ERP44: variants seen among roughly 807,000 people sequenced by gnomAD.
The protein encoded by ERP44 is endoplasmic reticulum protein 44, also known as endoplasmic reticulum resident protein 44.
Under a neutral mutation model 53.4 loss-of-function variants are expected in ERP44, and 25 were observed. The observed-to-expected ratio is 0.47, with a 90% CI of 0.34 to 0.65. The LOEUF (loss-of-function observed/expected upper bound fraction) is 0.65. Among genes scored for constraint, ERP44 ranks in the 30% least tolerant of loss-of-function variants. ERP44 has a pLI of 0.01. For synonymous variants in ERP44, 145 were observed against 161.2 expected (o/e 0.90, Z 0.76); for missense variants, 338 against 493.2 (o/e 0.69, Z 2.98).
rs202156757 is a variant in ERP44, at chr9:100,057,879, C to A, written c.131-20G>T. On this transcript the variant is annotated intron_variant, in intron 2 of 11. Transcript: ENST00000262455. ...CATTGTCTGAAATTGAAAGACAAAA[C>A]CAAATAAGATATTTGTAATAATTTT... The A allele has an allele frequency of 6.0e-4, 931 of 1,548,516 alleles. No individual in the cohort carries two copies. The highest frequency in any genetic ancestry group is 6.7e-4 in the Non-Finnish European group (758 of 1,126,416).
intron 1 of ERP44, among the ~76,000 whole-genome samples, chr9:100,083,697 C>T (rs1287833996): frequency 6.6e-6 from 1 of 152,196 alleles, no homozygotes; most frequent in Non-Finnish European, 1.5e-5. Context: ...TGTTTGACTA[C>T]CTTTTACACC....
chr9:99,997,746 T>C (rs1213604458), intron 10 of ERP44, among the ~76,000 whole-genome samples: 1 of 152,126 alleles, frequency 6.6e-6, no homozygotes, highest in Non-Finnish European at 1.5e-5. Context: ...GTTGAAGCTA[T>C]TGGGTTTTAT....
At chr9:100,035,904 T>A (rs1447303448) in intron 4 of ERP44, among the ~76,000 whole-genome samples, 1 of 152,058 alleles carries the variant, frequency 6.6e-6, no homozygotes, top group Non-Finnish European at 1.5e-5. Context: ...GAACAGATGA[T>A]GGCAAGGCTG....
At chr9:100,090,198 GC>G (rs1826536076) in intron 1 of ERP44, among the ~76,000 whole-genome samples, 2 of 152,278 alleles carry the variant, frequency 1.3e-5, no homozygotes, top group South Asian at 4.1e-4. Flanking sequence ...TTTATTCTCA[GC>G]CCTTTCAGAG....
intron 10 of ERP44, among the ~76,000 whole-genome samples, chr9:99,995,937 T>A (rs927823982): frequency 1.3e-5 from 2 of 150,450 alleles, no homozygotes; most frequent in Admixed American, 6.6e-5. Context: ...TTTTTTTTTT[T>A]TTTTATTTTG....
intron 9 of ERP44, 40 bp downstream of exon 9, chr9:100,007,538 G>C (rs761880029): frequency 3.5e-5 from 35 of 993,942 alleles, no homozygotes; most frequent in South Asian, 7.8e-5. Flanking sequence ...AAAGAAAAGA[G>C]AGAAAGAAAT....
chr9:99,996,150 G>T (rs1403062690), intron 10 of ERP44, among the ~76,000 whole-genome samples: 4 of 152,088 alleles, frequency 2.6e-5, no homozygotes, highest in Non-Finnish European at 5.9e-5. Flanking sequence ...GTGCTGGTAG[G>T]TGGTGCCTAA....
intron 11 of ERP44, among the ~76,000 whole-genome samples, chr9:99,983,911 TTCACTG>T (rs1162969753): frequency 6.6e-6 from 1 of 152,204 alleles, no homozygotes; most frequent in African/African-American, 2.4e-5. Flanking sequence ...CAAATGTAAG[TTCACTG>T]TCTAATGAGG....
chr9:100,068,444 T>C (rs1169572427), intron 1 of ERP44, among the ~76,000 whole-genome samples: 238 of 86,714 alleles, frequency 2.7e-3, no homozygotes, highest in Middle Eastern at 0.011. Context: ...AGGTGAGAGG[T>C]GCCTCTGCCC....
chr9:99,991,916 G>A (rs963386487), intron 10 of ERP44, among the ~76,000 whole-genome samples: 1 of 152,168 alleles, frequency 6.6e-6, no homozygotes, highest in African/African-American at 2.4e-5. Flanking sequence ...AGAAAATCTA[G>A]AAGAAATGGA....
intron 4 of ERP44, among the ~76,000 whole-genome samples, chr9:100,041,814 C>T (rs1292681370): frequency 6.6e-6 from 1 of 152,208 alleles, no homozygotes; most frequent in African/African-American, 2.4e-5. Flanking sequence ...AAAGGACAGT[C>T]TCTTCAATAA....
At chr9:100,008,671 T>C (rs1029236003) in intron 8 of ERP44, among the ~76,000 whole-genome samples, 4 of 152,232 alleles carry the variant, frequency 2.6e-5, no homozygotes, top group African/African-American at 7.2e-5. Context: ...TCTCCATATT[T>C]AAGCCTATTT....
At chr9:99,995,250 G>T (rs1465239049) in intron 10 of ERP44, among the ~76,000 whole-genome samples, 5 of 152,124 alleles carry the variant, frequency 3.3e-5, no homozygotes, top group African/African-American at 1.2e-4. Flanking sequence ...TTAATAATTT[G>T]TTGGTAATTT....
chr9:100,084,171 A>G (rs1391259731), intron 1 of ERP44, among the ~76,000 whole-genome samples: 1 of 152,232 alleles, frequency 6.6e-6, no homozygotes, highest in African/African-American at 2.4e-5. Context: ...AATACATCAC[A>G]GTCACTTAAA....
chr9:100,044,660 A>G (rs1825948462), intron 4 of ERP44, among the ~76,000 whole-genome samples: 1 of 152,230 alleles, frequency 6.6e-6, no homozygotes, highest in African/African-American at 2.4e-5. Context: ...ACAATTAACA[A>G]TATCACAATA....
Position 100,092,022 on chromosome 9 carries a change from CATCTCA to C in ERP44, c.57+6756_57+6761del, listed in dbSNP as rs1201170684. ...ACTAATTTCTTGAAGGCATGATATG[CATCTCA>C]ATGATCTTTTTCTCCTCCATAGTAG... On this transcript the variant is annotated intron_variant, in intron 1 of 11. Transcript: ENST00000262455. Among the ~76,000 whole-genome samples the C allele has an allele frequency of 5.3e-5, 8 of 152,324 alleles. No homozygotes were observed. In the East Asian group the frequency reaches 1.2e-3, roughly 22 times the overall value.
At chr9:100,021,873 A>G (rs1830593167) in intron 5 of ERP44, among the ~76,000 whole-genome samples, 169 bp downstream of exon 5, 1 of 152,256 alleles carries the variant, frequency 6.6e-6, no homozygotes, top group African/African-American at 2.4e-5. Flanking sequence ...TCAGTATAAC[A>G]TAAGCATTTG....
chr9:100,040,829 C>T (rs1436652910), intron 4 of ERP44, among the ~76,000 whole-genome samples: 3 of 152,056 alleles, frequency 2.0e-5, no homozygotes. Context: ...ACAAAATCAA[C>T]TTACAAAAAT....
intron 4 of ERP44, among the ~76,000 whole-genome samples, chr9:100,040,713 T>G (rs1281487191): frequency 6.6e-6 from 1 of 152,108 alleles, no homozygotes; most frequent in Non-Finnish European, 1.5e-5. Flanking sequence ...AAGGAAAAAG[T>G]CAAAATATCC....
Sources: gnomAD v4.1 joint callset for allele counts (sites outside exome capture counted in the v4.1 genomes callset) on GRCh38, gnomAD v4.1.1 for gene constraint, MANE v1.5 for transcripts, NCBI Gene and HGNC (gene_info 2026-07-23, HGNC 2026-07-21) for gene names.